The following SHROOM2 variants were observed in gnomAD, a reference collection of about 807,000 sequenced individuals.
SHROOM2 encodes shroom family member 2.
In SHROOM2, 33 loss-of-function variants were observed where a neutral mutation model predicts 75.9. The ratio of observed to expected loss-of-function variants is 0.43; its 90% confidence interval spans 0.33 to 0.58. The LOEUF (loss-of-function observed/expected upper bound fraction) is 0.58. Ranked by LOEUF, SHROOM2 falls within the 20% of genes least tolerant of loss-of-function variation. SHROOM2 has a pLI of 0.04. For missense variants in SHROOM2, 1,434 were observed against 1,461.2 expected, an observed-to-expected ratio of 0.98 and a Z score of 0.30; for synonymous variants, 655 against 663.6, an observed-to-expected ratio of 0.99 and a Z score of 0.20.
In SHROOM2 at chrX:9,919,597, T is replaced by C. The variant is rs767763533; in HGVS notation, c.2892-12578T>C. 2.7e-5 allele frequency among the ~76,000 whole-genome samples: 3 copies of C among 110,060 alleles called. No individual in the cohort carries two copies. The South Asian group carries it at 1.2e-3, about 42-fold the overall frequency. On this transcript the variant is annotated intron_variant, in intron 5 of 9. Transcript: ENST00000380913. ...TGCCCCCCTCAGCCTCCCAAACTGC[T>C]GGGATTACAGGCGTGAACCACCGCA...
intron 5 of SHROOM2, among the ~76,000 whole-genome samples, chrX:9,921,578 G>A (rs947711603): frequency 5.4e-5 from 6 of 111,726 alleles, no homozygotes; most frequent in Admixed American, 4.8e-4. Flanking sequence ...TTCATCTTGC[G>A]TAATTGAAAC....
intron 8 of SHROOM2, among the ~76,000 whole-genome samples, chrX:9,941,948 G>A (rs1204505992): frequency 1.0e-4 from 10 of 96,116 alleles, no homozygotes; most frequent in African/African-American, 4.0e-4. Flanking sequence ...TCCAGCCTGG[G>A]TGGCAGAGCA....
intron 5 of SHROOM2, among the ~76,000 whole-genome samples, chrX:9,901,109 C>T (rs1320251396): frequency 9.0e-6 from 1 of 111,141 alleles, no homozygotes; most frequent in Non-Finnish European, 1.9e-5. Context: ...GGGCCTCTCT[C>T]CTAGGCTTGT....
In SHROOM2 at chrX:9,932,794, TCCCCCTCGCC is replaced by T; in HGVS notation, c.3514_3523del (p.Pro1172SerfsTer7). ...GACGGCCACCATGGAGACCTCGCGC[TCCCCCTCGCC>T]CCAGTTCGCCCCCCAGAAACTGACG... On this transcript the variant is annotated frameshift_variant, in exon 6 of 10. Coordinates refer to ENST00000380913, the MANE Select transcript of SHROOM2 (RefSeq NM_001649.4). LOFTEE classifies it high-confidence loss of function. 8.3e-7 allele frequency: 1 copy of T among 1,207,225 alleles called. No homozygotes were observed. Among genetic ancestry groups the T allele is most frequent in the Non-Finnish European group, 1.1e-6 (1 of 894,690 alleles).
chrX:9,929,165 A>G (rs757320742), intron 5 of SHROOM2, among the ~76,000 whole-genome samples: 2 of 110,963 alleles, frequency 1.8e-5, no homozygotes, highest in Admixed American at 9.7e-5. Context: ...CAAGTCCCCA[A>G]TCCCCATTTT....
chrX:9,916,521 G>A (rs1213421175), intron 5 of SHROOM2, among the ~76,000 whole-genome samples: 5 of 111,896 alleles, frequency 4.5e-5, no homozygotes, highest in Middle Eastern at 4.6e-3. Context: ...ATATCACCAC[G>A]TTGCCCTCCA....
intron 1 of SHROOM2, among the ~76,000 whole-genome samples, chrX:9,856,522 T>C (rs1344674818): frequency 1.8e-5 from 2 of 112,062 alleles, no homozygotes; most frequent in Admixed American, 1.9e-4. Flanking sequence ...TTTTAAGTTA[T>C]AAACATTAAA....
At chrX:9,793,718 G>A (rs915896815) in intron 1 of SHROOM2, among the ~76,000 whole-genome samples, 3 of 110,103 alleles carry the variant, frequency 2.7e-5, no homozygotes, top group Non-Finnish European at 3.8e-5. Context: ...TGAATTGTAG[G>A]ATCTTGAGCA....
At chrX:9,828,898 T>C (rs1045915352) in intron 1 of SHROOM2, among the ~76,000 whole-genome samples, 1 of 112,940 alleles carries the variant, frequency 8.9e-6, no homozygotes, top group Non-Finnish European at 1.9e-5. Context: ...ACCATAGCGC[T>C]ATCTTTGAGT....
At chrX:9,915,082 T>C (rs963348464) in intron 5 of SHROOM2, among the ~76,000 whole-genome samples, 3 of 112,059 alleles carry the variant, frequency 2.7e-5, no homozygotes, top group Non-Finnish European at 5.6e-5. Flanking sequence ...ATTCTGACCC[T>C]CCATTTCTTC....
chrX:9,919,161 G>A (rs2084517871), intron 5 of SHROOM2, among the ~76,000 whole-genome samples: 2 of 110,744 alleles, frequency 1.8e-5, no homozygotes, highest in Admixed American at 1.9e-4. Context: ...GCAGGGGTGA[G>A]CACAGTCGTT....
chrX:9,857,510 C>T (rs1255138573), intron 1 of SHROOM2, among the ~76,000 whole-genome samples: 1 of 109,789 alleles, frequency 9.1e-6, no homozygotes, highest in Non-Finnish European at 1.9e-5. Flanking sequence ...CCTCAGCCTC[C>T]AGAGTAGCTG....
At chrX:9,807,306 C>G (rs1323955401) in intron 1 of SHROOM2, among the ~76,000 whole-genome samples, 1 of 112,243 alleles carries the variant, frequency 8.9e-6, no homozygotes, top group African/African-American at 3.2e-5. Flanking sequence ...ATTCAAGCAT[C>G]AAGCCTGGTC....
chrX:9,819,226 T>C (rs1231050204), intron 1 of SHROOM2: 3 of 908,044 alleles, frequency 3.3e-6, no homozygotes, highest in Non-Finnish European at 4.7e-6. Flanking sequence ...ACAAATTTTT[T>C]AATGAGTCCA....
chrX:9,792,096 GAATA>G (rs2083661319), intron 1 of SHROOM2, among the ~76,000 whole-genome samples: 1 of 15,515 alleles, frequency 6.4e-5, no homozygotes, highest in Admixed American at 1.3e-3. Context: ...GAATAGAATA[GAATA>G]GAATAGAATA....
At chrX:9,808,562 A>T (rs1403442578) in intron 1 of SHROOM2, among the ~76,000 whole-genome samples, 1 of 109,814 alleles carries the variant, frequency 9.1e-6, no homozygotes, top group Non-Finnish European at 1.9e-5. Flanking sequence ...AAATTTTTTT[A>T]AAATAAGTGG....
intron 5 of SHROOM2, among the ~76,000 whole-genome samples, chrX:9,899,366 G>A (rs115587654): frequency 1.0e-3 from 117 of 111,579 alleles, no homozygotes; most frequent in African/African-American, 3.6e-3. Context: ...TCAAAAAGGC[G>A]GATGGAGGGA....
intron 2 of SHROOM2, among the ~76,000 whole-genome samples, chrX:9,886,975 T>C (rs976668740): frequency 3.6e-5 from 4 of 112,610 alleles, no homozygotes; most frequent in Non-Finnish European, 5.6e-5. Flanking sequence ...TATTACAATT[T>C]TGTTTTAAAA....
intron 1 of SHROOM2, among the ~76,000 whole-genome samples, chrX:9,800,733 C>G (rs2083719683): frequency 9.2e-6 from 1 of 109,284 alleles, no homozygotes; most frequent in Admixed American, 9.8e-5. Context: ...TCACTGTAAC[C>G]TCAATCTCCT....
Sources: allele counts gnomAD v4.1 joint callset (sites outside exome capture counted in the v4.1 genomes callset), GRCh38; gene constraint gnomAD v4.1.1; transcripts MANE v1.5; gene names NCBI Gene and HGNC (gene_info 2026-07-23, HGNC 2026-07-21).